Variants in MAF observed in about 807,000 individuals in gnomAD.
MAF encodes the protein MAF bZIP transcription factor, also known as transcription factor Maf.
A neutral mutation model predicts 22.0 loss-of-function variants in MAF; 10 were observed. The observed-to-expected ratio is 0.45, with a 90% CI of 0.28 to 0.77. The LOEUF is 0.77. MAF is among the 30% of genes least tolerant of loss of function. The pLI is 0.12. For missense variants in MAF, 544 were observed against 548.4 expected (o/e 0.99, Z 0.08); for synonymous variants, 337 against 255.8 (o/e 1.32, Z -3.03).
the MAF span, among the ~76,000 whole-genome samples, chr16:79,463,660 T>C: frequency 0.02 from 3,080 of 152,290 alleles, 62 homozygotes; most frequent in African/African-American, 0.052. Context: ...TCAGAGCAGG[T>C]GAGCCCATTT....
chr16:79,215,047 G>A, the MAF span, among the ~76,000 whole-genome samples: 2 of 152,034 alleles, frequency 1.3e-5, no homozygotes, highest in African/African-American at 4.8e-5. Flanking sequence ...AGTCTTGCCA[G>A]TTCACCCCTT....
the MAF span, among the ~76,000 whole-genome samples, chr16:79,277,151 C>T: frequency 6.6e-6 from 1 of 152,208 alleles, no homozygotes. Context: ...GATCCTCCTG[C>T]CTCAGCCTCC....
chr16:79,528,411 G>T, the MAF span, among the ~76,000 whole-genome samples: 1 of 152,152 alleles, frequency 6.6e-6, no homozygotes, highest in Non-Finnish European at 1.5e-5. Flanking sequence ...CAGGGGCCAG[G>T]AAATCATCCT....
chr16:79,568,531 C>G, the MAF span, among the ~76,000 whole-genome samples: 3,286 of 152,300 alleles, frequency 0.022, 56 homozygotes, highest in Middle Eastern at 0.061. Flanking sequence ...CAGGCATACA[C>G]TGAGGCTAGA....
At chr16:79,544,915 A>C in the MAF span, among the ~76,000 whole-genome samples, 28 of 152,178 alleles carry the variant, frequency 1.8e-4, no homozygotes, top group African/African-American at 6.5e-4. Flanking sequence ...ATAACGAGGG[A>C]CTGATCCTTA....
chr16:79,581,569 ATCAAT>A (rs1317373251), downstream of MAF, among the ~76,000 whole-genome samples: 1 of 152,222 alleles, frequency 6.6e-6, no homozygotes, highest in Non-Finnish European at 1.5e-5. Context: ...AGCATTTCAG[ATCAAT>A]TCAATTCTCA....
chr16:79,484,853 A>G, the MAF span, among the ~76,000 whole-genome samples: 1 of 152,204 alleles, frequency 6.6e-6, no homozygotes, highest in African/African-American at 2.4e-5. Context: ...CTACTTAACC[A>G]GAGAAAGGAC....
the MAF span, among the ~76,000 whole-genome samples, chr16:79,303,155 G>T: frequency 0.029 from 4,450 of 152,300 alleles, 235 homozygotes; most frequent in African/African-American, 0.1. Flanking sequence ...TCCCAGCACT[G>T]TGGAGGAAGG....
chr16:79,479,151 G>A, the MAF span, among the ~76,000 whole-genome samples: 1 of 151,790 alleles, frequency 6.6e-6, no homozygotes, highest in African/African-American at 2.4e-5. Flanking sequence ...CACCACCCCA[G>A]CATACCCGTA....
chr16:79,511,540 T>G, the MAF span, among the ~76,000 whole-genome samples: 1 of 152,200 alleles, frequency 6.6e-6, no homozygotes, highest in African/African-American at 2.4e-5. Flanking sequence ...AAGGGAGACG[T>G]AGAATGCATT....
At chr16:79,550,073 C>T in the MAF span, among the ~76,000 whole-genome samples, 1 of 152,116 alleles carries the variant, frequency 6.6e-6, no homozygotes, top group Admixed American at 6.5e-5. Context: ...TCTAGCTTTT[C>T]CTCAAGCTCA....
the MAF span, among the ~76,000 whole-genome samples, chr16:79,481,333 TAG>T: frequency 2.6e-5 from 4 of 152,218 alleles, no homozygotes; most frequent in East Asian, 7.7e-4. Context: ...AAGTTATTTA[TAG>T]AGTTGTGCGA....
chr16:79,453,056 G>A, the MAF span, among the ~76,000 whole-genome samples: 1 of 152,152 alleles, frequency 6.6e-6, no homozygotes, highest in Non-Finnish European at 1.5e-5. Flanking sequence ...ATGGAAAAAC[G>A]ATATAGAAGT....
At chr16:79,596,038 T>G (rs1357366799) in intron 1 of MAF, 3 of 1,061,506 alleles carry the variant, frequency 2.8e-6, no homozygotes, top group Non-Finnish European at 3.4e-6. Flanking sequence ...AATAGTCAAC[T>G]TTAGTGAAAA....
the MAF span, among the ~76,000 whole-genome samples, chr16:79,410,858 G>C: frequency 6.6e-6 from 1 of 152,194 alleles, no homozygotes; most frequent in Non-Finnish European, 1.5e-5. Context: ...CCTGATTGGA[G>C]GCAGAGAGGC....
chr16:79,336,184 G>C, the MAF span, among the ~76,000 whole-genome samples: 1 of 152,210 alleles, frequency 6.6e-6, no homozygotes, highest in Admixed American at 6.5e-5. Context: ...TCATCTAAAA[G>C]TGAGAATCGT....
chr16:79,464,396 T>C, the MAF span, among the ~76,000 whole-genome samples: 1 of 152,086 alleles, frequency 6.6e-6, no homozygotes, highest in Non-Finnish European at 1.5e-5. Flanking sequence ...ACATAGAGAA[T>C]GTTGTCCAAG....
chr16:79,596,571 G>GTGGT (rs1913539857), intron 1 of MAF: 1 of 1,047,502 alleles, frequency 9.5e-7, no homozygotes, highest in Admixed American at 5.5e-5. Context: ...AACAACACGC[G>GTGGT]TGGTTAGTTA....
the MAF span, among the ~76,000 whole-genome samples, chr16:79,274,984 C>T: frequency 6.6e-5 from 10 of 152,218 alleles, no homozygotes; most frequent in Admixed American, 4.6e-4. Flanking sequence ...ATGGTAGTGA[C>T]CTTAACTGAG....
Sources: allele counts gnomAD v4.1 joint callset (sites outside exome capture counted in the v4.1 genomes callset), GRCh38; gene constraint gnomAD v4.1.1; transcripts MANE v1.5; gene names NCBI Gene and HGNC (gene_info 2026-07-23, HGNC 2026-07-21).